Variants in SRCIN1 observed in about 807,000 individuals in gnomAD.
SRCIN1 encodes SRC kinase signaling inhibitor 1.
In SRCIN1, 50 loss-of-function variants were observed where a neutral mutation model predicts 116.2. The observed-to-expected ratio is 0.43, with a 90% CI of 0.34 to 0.54. The LOEUF is 0.54. Among genes scored for constraint, SRCIN1 ranks in the 20% least tolerant of loss-of-function variants. SRCIN1 has a pLI of 0.02. For synonymous variants in SRCIN1, 736 were observed against 750.0 expected, an observed-to-expected ratio of 0.98 and a Z score of 0.30; for missense variants, 1,446 against 1,672.0, an observed-to-expected ratio of 0.86 and a Z score of 2.36.
At chr17:38,573,706 AC>A (rs1907237527) in intron 2 of SRCIN1, among the ~76,000 whole-genome samples, 2 of 151,988 alleles carry the variant, frequency 1.3e-5, no homozygotes, top group Non-Finnish European at 2.9e-5. Context: ...AGGCACCACA[AC>A]CCTACCCATG....
chr17:38,604,348 A>AC lies in SRCIN1; in HGVS notation c.22+1335dup. 1 of 308,760 alleles carries AC rather than the reference A, an allele frequency of 3.2e-6. No homozygotes were observed. Among genetic ancestry groups the AC allele is most frequent in the Non-Finnish European group, 6.4e-6 (1 of 156,356 alleles). 19.1% of individuals were successfully genotyped at this position (308,760 alleles called of 1,614,324 possible). On this transcript the variant is annotated intron_variant, in intron 1 of 18. Coordinates refer to ENST00000617146, the MANE Select transcript of SRCIN1 (RefSeq NM_025248.3). The surrounding 1 kb of genome is among the most constrained non-coding windows in gnomAD (Gnocchi z 4.3). ...TCCTTTTGAAAGGCTGCTGCCAGAA[A>AC]CCCCCACCCCCAGCTCGGGGAGCCC...
chr17:38,535,813 CCT>C (rs539326978), intron 18 of SRCIN1, among the ~76,000 whole-genome samples: 185 of 152,296 alleles, frequency 1.2e-3, no homozygotes, highest in African/African-American at 3.6e-3. Context: ...CCCAGTTCCC[CCT>C]GATGTCTCTT....
chr17:38,581,768 C>T (rs1331058030), intron 1 of SRCIN1, among the ~76,000 whole-genome samples: 1 of 152,214 alleles, frequency 6.6e-6, no homozygotes, highest in Non-Finnish European at 1.5e-5. Context: ...TGGCAACCCA[C>T]AGTGGCCAGA....
chr17:38,580,288 A>G (rs886520503), intron 1 of SRCIN1, among the ~76,000 whole-genome samples: 2 of 152,072 alleles, frequency 1.3e-5, no homozygotes, highest in Non-Finnish European at 2.9e-5. Context: ...ACACACACAC[A>G]CACACACATA....
intron 18 of SRCIN1, among the ~76,000 whole-genome samples, chr17:38,533,885 A>G (rs572005320): frequency 6.6e-6 from 1 of 152,194 alleles, no homozygotes; most frequent in African/African-American, 2.4e-5. Context: ...CTGTACAGCC[A>G]GAGCCCCTTC....
intron 2 of SRCIN1, among the ~76,000 whole-genome samples, chr17:38,576,198 T>G (rs891952521): frequency 1.3e-5 from 2 of 152,070 alleles, no homozygotes; most frequent in Non-Finnish European, 2.9e-5. Flanking sequence ...CTCCCCAAAA[T>G]AAGTCTGTGG....
At chr17:38,569,470 C>T (rs557712872) in intron 2 of SRCIN1, among the ~76,000 whole-genome samples, 1 of 152,266 alleles carries the variant, frequency 6.6e-6, no homozygotes, top group African/African-American at 2.4e-5. Flanking sequence ...CCTGGGCCAC[C>T]TGAATGCTTT....
At chr17:38,595,067 C>A (rs1908650520) in intron 1 of SRCIN1, among the ~76,000 whole-genome samples, 2 of 152,170 alleles carry the variant, frequency 1.3e-5, no homozygotes, top group Admixed American at 6.5e-5. Context: ...AGACAGAGGA[C>A]AGGCCCCCAC....
At chr17:38,599,632 C>T (rs940841187) in intron 1 of SRCIN1, among the ~76,000 whole-genome samples, 2 of 152,214 alleles carry the variant, frequency 1.3e-5, no homozygotes, top group Non-Finnish European at 2.9e-5. Flanking sequence ...CCTCCTACTA[C>T]AGCGTGGGCC....
intron 3 of SRCIN1, among the ~76,000 whole-genome samples, chr17:38,566,074 G>T (rs1204309906): frequency 1.3e-5 from 2 of 152,188 alleles, no homozygotes; most frequent in Non-Finnish European, 2.9e-5. Flanking sequence ...AAAGGTCAGT[G>T]GTTGCCAGGC....
chr17:38,536,131 C>T (rs934168511), intron 18 of SRCIN1, among the ~76,000 whole-genome samples: 6 of 152,200 alleles, frequency 3.9e-5, no homozygotes, highest in African/African-American at 1.2e-4. Flanking sequence ...GTCCCCGTCC[C>T]GCTTCTTCAT....
intron 1 of SRCIN1, among the ~76,000 whole-genome samples, chr17:38,596,736 A>G (rs1908750433): frequency 6.6e-6 from 1 of 151,820 alleles, no homozygotes; most frequent in African/African-American, 2.4e-5. Flanking sequence ...CCTGTGTTAG[A>G]GGAGACAGGC....
At chr17:38,578,246 T>C (rs1184505197) in intron 2 of SRCIN1, among the ~76,000 whole-genome samples, 1 of 152,196 alleles carries the variant, frequency 6.6e-6, no homozygotes, top group Non-Finnish European at 1.5e-5. Context: ...GCTCTCGATT[T>C]CCGGACTGCA....
At chr17:38,573,319 G>A (rs1907216148) in intron 2 of SRCIN1, among the ~76,000 whole-genome samples, 1 of 152,204 alleles carries the variant, frequency 6.6e-6, no homozygotes, top group Non-Finnish European at 1.5e-5. Context: ...GGATGCCTAA[G>A]TTTCCTAGAT....
intron 1 of SRCIN1, among the ~76,000 whole-genome samples, chr17:38,598,157 C>T (rs1006708849): frequency 1.3e-5 from 2 of 152,118 alleles, no homozygotes; most frequent in Admixed American, 1.3e-4. Flanking sequence ...TGCCTCTGCA[C>T]AGAGTCCTAA....
chr17:38,603,553 C>T (rs998266949), intron 1 of SRCIN1, among the ~76,000 whole-genome samples: 2 of 152,120 alleles, frequency 1.3e-5, no homozygotes, highest in Non-Finnish European at 2.9e-5. Flanking sequence ...TGCCTCCATC[C>T]CAGCCTTGAG....
intron 18 of SRCIN1, among the ~76,000 whole-genome samples, chr17:38,538,416 C>CAAAAAAAA (rs536827040): frequency 9.9e-6 from 1 of 100,562 alleles, no homozygotes; most frequent in African/African-American, 3.7e-5. Context: ...GACTCCGTCT[C>CAAAAAAAA]AAAAAAAAAA....
In SRCIN1 at chr17:38,558,088, G is replaced by A; in HGVS notation, c.2201+139C>T. 1.1e-6 allele frequency: 1 copy of A among 927,346 alleles called. No homozygotes were observed. Among genetic ancestry groups the A allele is most frequent in the South Asian group, 1.7e-5 (1 of 59,950 alleles). 57.4% of individuals were successfully genotyped at this position (927,346 alleles called of 1,614,324 possible). A position where few individuals can be genotyped will look rare whatever the true frequency, so the allele number is the denominator to read the frequency against. On this transcript the variant is annotated intron_variant, in intron 11 of 18. Coordinates refer to ENST00000617146, the MANE Select transcript of SRCIN1 (RefSeq NM_025248.3). The surrounding 1 kb of genome is among the most constrained non-coding windows in gnomAD (Gnocchi z 4.6). ...GGGTCACAGTGAAATCAGGCCAGAGGAGAATGAAATCAGGCTTCAGAACAG... is the reference window on the plus strand; with the variant it reads ...GGGTCACAGTGAAATCAGGCCAGAGAAGAATGAAATCAGGCTTCAGAACAG...
chr17:38,601,627 TACACACACACGCACAC>T (rs577707385), intron 1 of SRCIN1, among the ~76,000 whole-genome samples: 10,329 of 140,106 alleles, frequency 0.074, 363 homozygotes, highest in Middle Eastern at 0.17. Flanking sequence ...CCTCAACACA[TACACACACACGCACAC>T]ACACACACAC....
Sources: allele counts gnomAD v4.1 joint callset (sites outside exome capture counted in the v4.1 genomes callset), GRCh38; gene constraint gnomAD v4.1.1; non-coding constraint Gnocchi (gnomAD v3.1); transcripts MANE v1.5; gene names NCBI Gene and HGNC (gene_info 2026-07-23, HGNC 2026-07-21).